The following RP1 variants were observed in gnomAD, a reference collection of about 807,000 sequenced individuals.
RP1 encodes the protein RP1 axonemal microtubule associated, also known as oxygen-regulated protein 1.
RP1 carries 16 observed loss-of-function variants against 14.8 expected under a neutral mutation model. The ratio of observed to expected loss-of-function variants is 1.08; its 90% confidence interval spans 0.73 to 1.65. The LOEUF (loss-of-function observed/expected upper bound fraction) is 1.65, where lower values mean the gene tolerates loss of function less well. Among genes scored for constraint, RP1 ranks in the 40% most tolerant of loss-of-function variants. The probability of loss-of-function intolerance (pLI) is 0.00; values close to 1 mark genes in which losing one functional copy is unlikely to be tolerated. For synonymous variants in RP1, 876 were observed against 883.6 expected, an observed-to-expected ratio of 0.99 and a Z score of 0.15; for missense variants, 2,631 against 2,535.0, an observed-to-expected ratio of 1.04 and a Z score of -0.81.
intron 16 of RP1, among the ~76,000 whole-genome samples, chr8:54,722,848 C>A (rs549385589): frequency 1.3e-5 from 2 of 152,156 alleles, no homozygotes; most frequent in Non-Finnish European, 2.9e-5. Flanking sequence ...GACATGCAAT[C>A]TGAATGAGTG....
chr8:54,720,202 C>T (rs1437782), exon 16 of RP1: 496,452 of 1,534,688 alleles, frequency 0.32, 83,311 homozygotes, highest in East Asian at 0.51. Context: ...CTGGAATCTA[C>T]GAAGAGCCCA....
upstream of RP1, among the ~76,000 whole-genome samples, chr8:54,613,123 A>G (rs1805635833): frequency 1.3e-5 from 2 of 152,212 alleles, no homozygotes; most frequent in Non-Finnish European, 2.9e-5. Flanking sequence ...GAACAAATAA[A>G]CAAATGAGTA....
At chr8:54,734,589 G>T (rs1224792385) in exon 18 of RP1, 5 of 1,535,516 alleles carry the variant, frequency 3.3e-6, no homozygotes, top group Admixed American at 3.9e-5. Context: ...TCTGTCAGAA[G>T]ATGAATGGAA....
intron 3 of RP1, among the ~76,000 whole-genome samples, chr8:54,637,224 G>T (rs1806366746): frequency 6.6e-6 from 1 of 152,158 alleles, no homozygotes; most frequent in Admixed American, 6.5e-5. Context: ...AAAGTATGTA[G>T]AGTGCTATGT....
exon 29 of RP1, chr8:54,870,798 A>T (rs1044173281): frequency 1.3e-5 from 2 of 152,154 alleles, no homozygotes; most frequent in African/African-American, 4.8e-5. Flanking sequence ...AGATGCTATC[A>T]TCACCCACAT....
chr8:54,847,058 C>G (rs1466614635), intron 25 of RP1, among the ~76,000 whole-genome samples: 1 of 152,182 alleles, frequency 6.6e-6, no homozygotes, highest in African/African-American at 2.4e-5. Context: ...GATGCTTCCT[C>G]AGGGCTGCCC....
intron 19 of RP1, among the ~76,000 whole-genome samples, chr8:54,751,982 T>C (rs1402648369): frequency 1.3e-5 from 2 of 152,150 alleles, no homozygotes; most frequent in Non-Finnish European, 2.9e-5. Context: ...TGGCGGGGCC[T>C]CAGAAACCAG....
chr8:54,751,516 T>C (rs1355806028), intron 19 of RP1, among the ~76,000 whole-genome samples: 1 of 152,232 alleles, frequency 6.6e-6, no homozygotes, highest in African/African-American at 2.4e-5. Context: ...AAATAAACTT[T>C]CTTACTTGTT....
At chr8:54,734,857 C>T in intron 18 of RP1, 1 of 805,908 alleles carries the variant, frequency 1.2e-6, no homozygotes, top group East Asian at 2.9e-5. Flanking sequence ...AACCTCTGGT[C>T]TTTTAGAATG....
intron 4 of RP1, among the ~76,000 whole-genome samples, chr8:54,651,181 C>G (rs568486727): frequency 2.0e-4 from 31 of 152,138 alleles, no homozygotes; most frequent in African/African-American, 7.2e-4. Flanking sequence ...TTTTAATATG[C>G]CTCTGGATTC....
intron 25 of RP1, among the ~76,000 whole-genome samples, chr8:54,842,075 A>G (rs1811801427): frequency 6.6e-6 from 1 of 152,210 alleles, no homozygotes; most frequent in African/African-American, 2.4e-5. Context: ...CAAGTTTTAG[A>G]TAACAACTGA....
intron 27 of RP1, among the ~76,000 whole-genome samples, chr8:54,862,626 C>G (rs1006126528): frequency 8.5e-5 from 13 of 152,120 alleles, no homozygotes; most frequent in Non-Finnish European, 8.8e-5. Flanking sequence ...CATCAGGGAC[C>G]AGGTCCTTCC....
chr8:54,665,505 T>C (rs1029729066), intron 7 of RP1, among the ~76,000 whole-genome samples: 4 of 152,130 alleles, frequency 2.6e-5, no homozygotes, highest in African/African-American at 9.7e-5. Flanking sequence ...CTGGAAAAGA[T>C]GAGTTGCTAG....
chr8:54,758,472 G>GGGAGGGAAGGAGGGA (rs1809562214), intron 21 of RP1, among the ~76,000 whole-genome samples: 1 of 150,044 alleles, frequency 6.7e-6, no homozygotes, highest in African/African-American at 2.4e-5. Flanking sequence ...GAGGGAGGGA[G>GGGAGGGAAGGAGGGA]GGAGGGAAGG....
At chr8:54,659,395 A>G (rs1806830881) in intron 6 of RP1, among the ~76,000 whole-genome samples, 1 of 152,104 alleles carries the variant, frequency 6.6e-6, no homozygotes, top group East Asian at 1.9e-4. Flanking sequence ...TTTAGTCAAT[A>G]TCTATATTGA....
At chr8:54,709,285 G>C (rs1808238389) in intron 15 of RP1, among the ~76,000 whole-genome samples, 1 of 152,198 alleles carries the variant, frequency 6.6e-6, no homozygotes, top group African/African-American at 2.4e-5. Context: ...GCTCTGAAAT[G>C]GGTGGGAGAA....
downstream of RP1, among the ~76,000 whole-genome samples, chr8:54,631,540 A>AT (rs140296238): frequency 4.2e-3 from 586 of 140,026 alleles, 1 homozygote; most frequent in African/African-American, 9.4e-3. Context: ...CTTCCCCTGC[A>AT]TTTTTTTTTT....
At chr8:54,612,851 C>T (rs1279305312), upstream of RP1, among the ~76,000 whole-genome samples, 1 of 152,192 alleles carries the variant, frequency 6.6e-6, no homozygotes, top group African/African-American at 2.4e-5. Context: ...AATATCTGAA[C>T]ACCATTTCCC....
chr8:54,798,977 A>G (rs1354738478), intron 24 of RP1, among the ~76,000 whole-genome samples: 1 of 152,006 alleles, frequency 6.6e-6, no homozygotes, highest in African/African-American at 2.4e-5. Context: ...TATTTTATAT[A>G]CAATTATTAT....
Sources: allele counts gnomAD v4.1 joint callset (sites outside exome capture counted in the v4.1 genomes callset), GRCh38; gene constraint gnomAD v4.1.1; transcripts MANE v1.5; gene names NCBI Gene and HGNC (gene_info 2026-07-23, HGNC 2026-07-21).